The following ROBO2 variants were observed in gnomAD, a reference collection of about 807,000 sequenced individuals.
ROBO2 encodes the protein roundabout homolog 2.
A neutral mutation model predicts 160.8 loss-of-function variants in ROBO2; 53 were observed. The ratio of observed to expected loss-of-function variants is 0.33; its 90% CI spans 0.26 to 0.41. ROBO2 has a LOEUF of 0.41. Among genes scored for constraint, ROBO2 ranks in the 10% least tolerant of loss-of-function variants. The probability of loss-of-function intolerance (pLI) is 1.00; values close to 1 mark genes in which losing one functional copy is unlikely to be tolerated. For missense variants in ROBO2, 1,577 were observed against 1,722.4 expected (o/e 0.92, Z 1.49); for synonymous variants, 664 against 611.7 (o/e 1.09, Z -1.26).
At chr3:76,225,207 A>G (rs1016601744) in intron 2 of ROBO2, among the ~76,000 whole-genome samples, 1 of 152,234 alleles carries the variant, frequency 6.6e-6, no homozygotes, top group East Asian at 1.9e-4. Context: ...TTCCCCACAG[A>G]AAAAAGAGCA....
intron 2 of ROBO2, among the ~76,000 whole-genome samples, chr3:76,662,225 C>T (rs2091854717): frequency 6.6e-6 from 1 of 152,062 alleles, no homozygotes; most frequent in African/African-American, 2.4e-5. Flanking sequence ...TTTTGGTCTT[C>T]CCTGTCCATG....
intron 2 of ROBO2, chr3:75,965,055 A>G (rs143071927): frequency 1.3e-5 from 2 of 151,842 alleles, no homozygotes; most frequent in East Asian, 2.0e-4. Flanking sequence ...GAACACCACT[A>G]CATTTGGACT....
At chr3:77,144,195 C>A (rs768269506) in intron 2 of ROBO2, among the ~76,000 whole-genome samples, 22 of 152,118 alleles carry the variant, frequency 1.4e-4, no homozygotes, top group Non-Finnish European at 3.1e-4. Flanking sequence ...AGTTTACTCT[C>A]CCTTTTATTT....
chr3:77,444,583 T>C (rs1206747546), intron 2 of ROBO2, among the ~76,000 whole-genome samples: 1 of 152,170 alleles, frequency 6.6e-6, no homozygotes, highest in Non-Finnish European at 1.5e-5. Flanking sequence ...TGAAAAGTTT[T>C]AAAGAGGAAA....
chr3:76,098,629 A>G (rs2069553878), intron 2 of ROBO2, among the ~76,000 whole-genome samples: 1 of 152,128 alleles, frequency 6.6e-6, no homozygotes, highest in Non-Finnish European at 1.5e-5. Context: ...ATTGATATAT[A>G]TAAAATAAAT....
At chr3:76,285,023 T>C (rs1051526865) in intron 2 of ROBO2, among the ~76,000 whole-genome samples, 3 of 152,170 alleles carry the variant, frequency 2.0e-5, no homozygotes, top group Non-Finnish European at 4.4e-5. Context: ...TGCCCACTTA[T>C]GCTGGGAGAA....
chr3:76,068,242 C>G (rs1215603144), intron 2 of ROBO2, among the ~76,000 whole-genome samples: 2 of 152,094 alleles, frequency 1.3e-5, no homozygotes, highest in African/African-American at 4.8e-5. Context: ...TCTGACTGGG[C>G]TGTAGTCAGC....
rs139586566 is a variant in ROBO2, at chr3:76,872,988, C to T, written c.110-225026C>T. ...TGTTACTTAAAAGTGGCGTTCTGTT[C>T]AAAAAATTCAGATGATATATTGGTA... On this transcript the variant is annotated intron_variant, in intron 2 of 26. Transcript: ENST00000487694. Among the ~76,000 whole-genome samples, 343 of 152,090 alleles carry T rather than the reference C, an allele frequency of 2.3e-3. 1 individual carries two copies. Among genetic ancestry groups the T allele is most frequent in the Non-Finnish European group, 3.8e-3 (261 of 67,960 alleles).
intron 2 of ROBO2, among the ~76,000 whole-genome samples, chr3:77,283,264 A>G (rs2060362059): frequency 6.6e-6 from 1 of 152,190 alleles, no homozygotes; most frequent in Admixed American, 6.5e-5. Flanking sequence ...CATTCAGCCA[A>G]GCGTGAAGGA....
intron 2 of ROBO2, among the ~76,000 whole-genome samples, chr3:76,408,029 G>T (rs1474752775): frequency 6.6e-6 from 1 of 151,916 alleles, no homozygotes; most frequent in Non-Finnish European, 1.5e-5. Context: ...TTCCAGTGGG[G>T]CCCAGGGAAG....
At chr3:77,450,160 G>A (rs1428416131) in intron 2 of ROBO2, among the ~76,000 whole-genome samples, 1 of 152,004 alleles carries the variant, frequency 6.6e-6, no homozygotes, top group African/African-American at 2.4e-5. Context: ...TAGAATAATT[G>A]CATATTTGAG....
intron 2 of ROBO2, among the ~76,000 whole-genome samples, chr3:77,103,351 C>T (rs372111792): frequency 3.4e-4 from 51 of 151,962 alleles, no homozygotes; most frequent in East Asian, 9.7e-4. Context: ...AGGTGCTGAA[C>T]GCTTTAGTGG....
At chr3:77,253,353 G>T (rs975570483) in intron 2 of ROBO2, among the ~76,000 whole-genome samples, 1 of 152,160 alleles carries the variant, frequency 6.6e-6, no homozygotes, top group East Asian at 1.9e-4. Flanking sequence ...TGTGGAAGGG[G>T]TATGTAAAGT....
intron 2 of ROBO2, among the ~76,000 whole-genome samples, chr3:76,005,419 T>G (rs945110326): frequency 3.9e-5 from 6 of 152,186 alleles, no homozygotes; most frequent in African/African-American, 1.4e-4. Context: ...ATTCCTATGT[T>G]TTTGTTATCT....
chr3:76,214,515 A>G (rs1378748198), intron 2 of ROBO2, among the ~76,000 whole-genome samples: 1 of 152,196 alleles, frequency 6.6e-6, no homozygotes, highest in Non-Finnish European at 1.5e-5. Flanking sequence ...AGGAGATTAT[A>G]TCCCGCACCT....
At chr3:76,283,418 T>C (rs1345451671) in intron 2 of ROBO2, among the ~76,000 whole-genome samples, 1 of 151,702 alleles carries the variant, frequency 6.6e-6, no homozygotes, top group African/African-American at 2.4e-5. Context: ...TATTCTTGCT[T>C]TCTCTAGTCA....
chr3:76,491,171 G>C (rs57714461), intron 2 of ROBO2, among the ~76,000 whole-genome samples: 40,326 of 151,784 alleles, frequency 0.27, 6,515 homozygotes, highest in African/African-American at 0.44. Flanking sequence ...TGTTGGCCAG[G>C]CTGGTTTTGA....
intron 2 of ROBO2, among the ~76,000 whole-genome samples, chr3:76,648,170 C>G (rs2091073726): frequency 6.6e-6 from 1 of 151,572 alleles, no homozygotes; most frequent in Admixed American, 6.6e-5. Flanking sequence ...AAATAAATGA[C>G]CCATTCTACT....
chr3:77,614,069 T>G (rs1178556355), intron 21 of ROBO2, among the ~76,000 whole-genome samples: 1 of 152,208 alleles, frequency 6.6e-6, no homozygotes, highest in Admixed American at 6.5e-5. Flanking sequence ...AGGAGATTCT[T>G]GTTGTAAAAA....
Sources: gnomAD v4.1 joint callset for allele counts (sites outside exome capture counted in the v4.1 genomes callset) on GRCh38, gnomAD v4.1.1 for gene constraint, MANE v1.5 for transcripts, NCBI Gene and HGNC (gene_info 2026-07-23, HGNC 2026-07-21) for gene names.